Variants in DGKG observed in about 807,000 individuals in gnomAD.
DGKG encodes the protein diacylglycerol kinase gamma.
A neutral mutation model predicts 105.3 loss-of-function variants in DGKG; 78 were observed. The ratio of observed to expected loss-of-function variants is 0.74; its 90% CI spans 0.62 to 0.89. DGKG has a LOEUF of 0.89. Among genes scored for constraint, DGKG ranks in the 40% least tolerant of loss-of-function variants. DGKG has a pLI of 0.00. For synonymous variants in DGKG, 346 were observed against 367.1 expected, an observed-to-expected ratio of 0.94 and a Z score of 0.66; for missense variants, 958 against 1,020.1, an observed-to-expected ratio of 0.94 and a Z score of 0.83.
chr3:186,249,865 T>C (rs1470833781), intron 19 of DGKG, among the ~76,000 whole-genome samples: 3 of 145,912 alleles, frequency 2.1e-5, no homozygotes, highest in African/African-American at 7.9e-5. Flanking sequence ...AACAACACCC[T>C]TTACTTAAAC....
At chr3:186,193,813 C>A (rs1419057195) in intron 21 of DGKG, among the ~76,000 whole-genome samples, 1 of 152,248 alleles carries the variant, frequency 6.6e-6, no homozygotes, top group Non-Finnish European at 1.5e-5. Context: ...GCGGCCCCAG[C>A]GTGGCGCTAA....
chr3:186,296,599 G>A (rs897949711), intron 5 of DGKG, among the ~76,000 whole-genome samples: 1 of 152,230 alleles, frequency 6.6e-6, no homozygotes, highest in Non-Finnish European at 1.5e-5. Context: ...TGGGCAGCAG[G>A]CACCACTACA....
intron 10 of DGKG, among the ~76,000 whole-genome samples, chr3:186,273,830 T>G (rs538368881): frequency 2.0e-5 from 3 of 152,228 alleles, no homozygotes; most frequent in Non-Finnish European, 4.4e-5. Flanking sequence ...CGGGCCTCCC[T>G]GCAGCAGCAG....
intron 22 of DGKG, among the ~76,000 whole-genome samples, chr3:186,186,065 C>G (rs1308993028): frequency 2.3e-5 from 3 of 127,790 alleles, no homozygotes; most frequent in African/African-American, 9.2e-5. Flanking sequence ...CCACTGCACT[C>G]TAGCCTGGGT....
chr3:186,339,845 T>A (rs534182099), intron 1 of DGKG, among the ~76,000 whole-genome samples: 3 of 152,304 alleles, frequency 2.0e-5, no homozygotes, highest in African/African-American at 7.2e-5. Flanking sequence ...CAAACCTGAG[T>A]CAGCATGTCC....
chr3:186,293,296 C>G (rs1363250013), intron 5 of DGKG, among the ~76,000 whole-genome samples: 1 of 152,234 alleles, frequency 6.6e-6, no homozygotes, highest in African/African-American at 2.4e-5. Context: ...TCCCCTGACC[C>G]TTGACACCAC....
intron 2 of DGKG, chr3:186,313,577 A>G: frequency 2.1e-6 from 2 of 955,422 alleles, no homozygotes; most frequent in South Asian, 9.7e-5. Context: ...TGGTCCCTGG[A>G]CCAGCAGCAT....
chr3:186,306,884 A>G lies in DGKG; in HGVS notation c.144+17T>C. On this transcript the variant is annotated intron_variant, in intron 3 of 24. Transcript: ENST00000265022. ...AACACAGGGGTTTTTAAAGGCTTAAAATGGAAATGTTCTTACCTCATGTGG... is the reference window on the plus strand; with the variant it reads ...AACACAGGGGTTTTTAAAGGCTTAAGATGGAAATGTTCTTACCTCATGTGG... 5.7e-6 allele frequency: 9 copies of G among 1,577,162 alleles called. No homozygotes were observed. The highest frequency in any genetic ancestry group is 7.8e-6 in the Non-Finnish European group (9 of 1,148,224).
At chr3:186,192,747 T>A (rs1416136831) in intron 21 of DGKG, among the ~76,000 whole-genome samples, 1 of 152,208 alleles carries the variant, frequency 6.6e-6, no homozygotes, top group African/African-American at 2.4e-5. Flanking sequence ...AACTTCCAGC[T>A]GTTTGAATAA....
intron 22 of DGKG, among the ~76,000 whole-genome samples, chr3:186,185,694 C>T (rs541912283): frequency 6.6e-6 from 1 of 152,054 alleles, no homozygotes; most frequent in Non-Finnish European, 1.5e-5. Flanking sequence ...CAATGCTTCC[C>T]CTACCCTCTG....
At chr3:186,277,933 C>T (rs1024900158) in intron 9 of DGKG, among the ~76,000 whole-genome samples, 4 of 152,106 alleles carry the variant, frequency 2.6e-5, no homozygotes, top group Non-Finnish European at 4.4e-5. Flanking sequence ...GGGCTTTCTC[C>T]AAAACCCCAA....
chr3:186,302,743 A>G (rs963924376), intron 3 of DGKG, among the ~76,000 whole-genome samples: 9 of 151,830 alleles, frequency 5.9e-5, no homozygotes, highest in Non-Finnish European at 1.2e-4. Flanking sequence ...TCAGTGTTAT[A>G]TAAGAGGTAA....
At chr3:186,344,456 T>C (rs1053071103) in intron 1 of DGKG, among the ~76,000 whole-genome samples, 4 of 152,196 alleles carry the variant, frequency 2.6e-5, no homozygotes, top group African/African-American at 9.6e-5. Flanking sequence ...GGAACATGGA[T>C]GGATACTTAG....
In DGKG at chr3:186,210,811, C is replaced by T. The variant is rs1718999676; in HGVS notation, c.1917+984G>A. ...CTGGCTGCCTCTTCCACTTATTTTC[C>T]TCAAGTGAAAAGAAGACTACGGGCC... On this transcript the variant is annotated intron_variant, in intron 21 of 24. Coordinates refer to ENST00000265022, the MANE Select transcript of DGKG (RefSeq NM_001346.3). This position sits in a 1 kb window ranked among gnomAD's most constrained non-coding sequence, Gnocchi z 5.2. 3.0e-6 allele frequency: 1 copy of T among 337,928 alleles called. No homozygotes were observed. Among genetic ancestry groups the T allele is most frequent in the East Asian group, 9.1e-5 (1 of 10,934 alleles). 20.9% of individuals were successfully genotyped at this position (337,928 alleles called of 1,614,324 possible).
At chr3:186,224,865 C>T (rs1560103410) in intron 20 of DGKG, among the ~76,000 whole-genome samples, 2 of 151,880 alleles carry the variant, frequency 1.3e-5, no homozygotes, top group Admixed American at 6.6e-5. Flanking sequence ...AGGAGTTGAA[C>T]CTCATGGTAA....
chr3:186,222,017 C>T (rs561630905), intron 20 of DGKG, among the ~76,000 whole-genome samples: 158 of 152,332 alleles, frequency 1.0e-3, no homozygotes, highest in Non-Finnish European at 1.8e-3. Context: ...TTGATCCTCA[C>T]GTCTACCCCC....
At chr3:186,186,760 C>T (rs1717656817) in intron 22 of DGKG, among the ~76,000 whole-genome samples, 2 of 152,172 alleles carry the variant, frequency 1.3e-5, no homozygotes, top group Non-Finnish European at 1.5e-5. Flanking sequence ...TGTGAGGACC[C>T]GTGAGCCCAC....
intron 14 of DGKG, among the ~76,000 whole-genome samples, chr3:186,262,235 C>T (rs750928534): frequency 3.3e-5 from 5 of 152,140 alleles, no homozygotes; most frequent in Non-Finnish European, 7.4e-5. Flanking sequence ...GAACCCTGGT[C>T]CCACATTTCT....
At chr3:186,195,715 G>A (rs1357799120) in intron 21 of DGKG, among the ~76,000 whole-genome samples, 1 of 152,180 alleles carries the variant, frequency 6.6e-6, no homozygotes, top group Admixed American at 6.5e-5. Context: ...TAAGGCTGTA[G>A]TGTTGCGCAG....
Sources: gnomAD v4.1 joint callset for allele counts (sites outside exome capture counted in the v4.1 genomes callset) on GRCh38, gnomAD v4.1.1 for gene constraint, Gnocchi (gnomAD v3.1) non-coding constraint, MANE v1.5 for transcripts, NCBI Gene and HGNC (gene_info 2026-07-23, HGNC 2026-07-21) for gene names.